Variants in LYZL1 observed in about 807,000 individuals in gnomAD.
LYZL1 encodes lysozyme-like protein 1.
A neutral mutation model predicts 17.9 loss-of-function variants in LYZL1; 16 were observed. The observed-to-expected ratio is 0.90, with a 90% CI of 0.61 to 1.36. The LOEUF (loss-of-function observed/expected upper bound fraction) is 1.36. LYZL1 is among the 40% of genes most tolerant of loss of function. The probability of loss-of-function intolerance (pLI) is 0.00; values close to 1 mark genes in which losing one functional copy is unlikely to be tolerated. For synonymous variants in LYZL1, 58 were observed against 71.8 expected (o/e 0.81, Z 0.97); for missense variants, 149 against 188.4 (o/e 0.79, Z 1.22).
intron 3 of LYZL1, among the ~76,000 whole-genome samples, chr10:29,297,168 T>A: frequency 7.1e-6 from 1 of 141,488 alleles, no homozygotes; most frequent in African/African-American, 2.6e-5. Flanking sequence ...GATACAGAAA[T>A]GGAAAACTCA....
At chr10:29,307,653 T>G (rs2132834366) in intron 3 of LYZL1, among the ~76,000 whole-genome samples, 1 of 152,322 alleles carries the variant, frequency 6.6e-6, no homozygotes, top group East Asian at 1.9e-4. Flanking sequence ...TTATAAAACA[T>G]CCTGGGAAAA....
At chr10:29,292,029 C>T (rs1390865095) in intron 2 of LYZL1, 23 bp downstream of exon 2, 2 of 1,285,010 alleles carry the variant, frequency 1.6e-6, no homozygotes, top group Non-Finnish European at 2.2e-6. Flanking sequence ...CTTTCCTGCT[C>T]TCCTTCTGTC....
chr10:29,304,338 G>A (rs909251661), intron 3 of LYZL1, among the ~76,000 whole-genome samples: 3 of 152,094 alleles, frequency 2.0e-5, no homozygotes, highest in Admixed American at 6.5e-5. Context: ...TCTATCTAGT[G>A]TAGTCTAGTG....
At chr10:29,302,800 C>G (rs1406463490) in intron 3 of LYZL1, among the ~76,000 whole-genome samples, 1 of 152,200 alleles carries the variant, frequency 6.6e-6, no homozygotes, top group Non-Finnish European at 1.5e-5. Context: ...GCCTACCTAT[C>G]CTGCCTCATA....
chr10:29,294,141 A>G (rs554666653), intron 3 of LYZL1, among the ~76,000 whole-genome samples: 1 of 152,272 alleles, frequency 6.6e-6, no homozygotes, highest in African/African-American at 2.4e-5. Flanking sequence ...GGTGTGAAGC[A>G]TGAACAGAGA....
At chr10:29,300,519 C>A (rs1835502869) in intron 3 of LYZL1, among the ~76,000 whole-genome samples, 1 of 151,970 alleles carries the variant, frequency 6.6e-6, no homozygotes, top group South Asian at 2.1e-4. Flanking sequence ...AAACAATTGT[C>A]TTTTAAATAA....
intron 3 of LYZL1, among the ~76,000 whole-genome samples, chr10:29,298,308 C>G (rs78581598): frequency 0.012 from 1,756 of 152,274 alleles, 34 homozygotes; most frequent in African/African-American, 0.04. Flanking sequence ...GATCTGAGAC[C>G]TTCCTTCAAG....
intron 3 of LYZL1, 43 bp downstream of exon 3, chr10:29,292,720 C>G: frequency 6.4e-7 from 1 of 1,571,636 alleles, no homozygotes; most frequent in Non-Finnish European, 8.6e-7. Flanking sequence ...CAGGACTAGG[C>G]GAGAAAGCCG....
At chr10:29,290,849 T>TAA (rs1474181449) in intron 1 of LYZL1, among the ~76,000 whole-genome samples, 4 of 151,786 alleles carry the variant, frequency 2.6e-5, no homozygotes, top group Non-Finnish European at 5.9e-5. Context: ...AAAAAATAAA[T>TAA]AAATAAATAA....
At chr10:29,297,475 G>A (rs1048994226) in intron 3 of LYZL1, among the ~76,000 whole-genome samples, 3 of 152,136 alleles carry the variant, frequency 2.0e-5, no homozygotes, top group African/African-American at 7.2e-5. Context: ...TGACTCAAAA[G>A]TATTAAATAG....
chr10:29,298,837 T>C (rs921488542), intron 3 of LYZL1, among the ~76,000 whole-genome samples: 1 of 152,160 alleles, frequency 6.6e-6, no homozygotes, highest in African/African-American at 2.4e-5. Context: ...AGAAGACCAA[T>C]TTTCCATGAA....
chr10:29,294,446 G>A (rs1835419170), intron 3 of LYZL1, among the ~76,000 whole-genome samples: 1 of 152,224 alleles, frequency 6.6e-6, no homozygotes, highest in Non-Finnish European at 1.5e-5. Flanking sequence ...GTGACATGGA[G>A]AAGACTGATG....
chr10:29,291,850 C>T lies in LYZL1; in HGVS notation c.-18C>T, dbSNP rs1187328187. ...TCTCCGGCTCTTTGGCAGGTTCTGT[C>T]TCCGGCAGGCTTTGAGGATGAAGGC... On this transcript the variant is annotated 5_prime_UTR_variant, in exon 2 of 5. Coordinates refer to ENST00000649382, the MANE Select transcript of LYZL1 (RefSeq NM_032517.6). The T allele has an allele frequency of 1.3e-5, 20 of 1,558,060 alleles. No homozygotes were observed. The highest frequency in any genetic ancestry group is 1.6e-5 in the Non-Finnish European group (18 of 1,149,708).
intron 1 of LYZL1, among the ~76,000 whole-genome samples, chr10:29,291,329 A>G (rs1305522170): frequency 6.6e-6 from 1 of 152,056 alleles, no homozygotes; most frequent in East Asian, 1.9e-4. Context: ...GGATCATCAT[A>G]AAGGGCTTCA....
intron 4 of LYZL1, among the ~76,000 whole-genome samples, chr10:29,310,546 T>G (rs1320943073): frequency 6.6e-6 from 1 of 151,236 alleles, no homozygotes; most frequent in Non-Finnish European, 1.5e-5. Flanking sequence ...GGATAAGATT[T>G]TGAAGGTTAC....
chr10:29,293,676 T>A (rs562781274), intron 3 of LYZL1, among the ~76,000 whole-genome samples: 1 of 152,086 alleles, frequency 6.6e-6, no homozygotes, highest in African/African-American at 2.4e-5. Flanking sequence ...AGTGACAGTA[T>A]TAAGAAAACC....
At chr10:29,293,016 C>T (rs529106230) in intron 3 of LYZL1, among the ~76,000 whole-genome samples, 14 of 152,182 alleles carry the variant, frequency 9.2e-5, no homozygotes, top group African/African-American at 2.6e-4. Flanking sequence ...ATAAGCAATT[C>T]GCTCAGAGGA....
intron 1 of LYZL1, among the ~76,000 whole-genome samples, chr10:29,290,848 A>G (rs1835353985): frequency 6.6e-6 from 1 of 152,134 alleles, no homozygotes; most frequent in South Asian, 2.1e-4. Flanking sequence ...CAAAAAATAA[A>G]TAAATAAATA....
At chr10:29,289,696 G>A (rs1021445710) in intron 1 of LYZL1, among the ~76,000 whole-genome samples, 1 of 152,122 alleles carries the variant, frequency 6.6e-6, no homozygotes, top group Non-Finnish European at 1.5e-5. Context: ...TTGGATTACA[G>A]GTATCACCCA....
Sources: gnomAD v4.1 joint callset for allele counts (sites outside exome capture counted in the v4.1 genomes callset) on GRCh38, gnomAD v4.1.1 for gene constraint, MANE v1.5 for transcripts, NCBI Gene and HGNC (gene_info 2026-07-23, HGNC 2026-07-21) for gene names.